KBTBD4: variants seen among roughly 807,000 people sequenced by gnomAD.
KBTBD4 encodes kelch repeat and BTB domain containing 4.
KBTBD4 carries 30 observed loss-of-function variants against 43.9 expected under a neutral mutation model. That is an observed-to-expected ratio of 0.68 (90% CI 0.51 to 0.93). The LOEUF (loss-of-function observed/expected upper bound fraction) is 0.93. KBTBD4 is among the 40% of genes least tolerant of loss of function. The pLI is 0.00. For synonymous variants in KBTBD4, 258 were observed against 256.9 expected (o/e 1.00, Z -0.04); for missense variants, 575 against 668.8 (o/e 0.86, Z 1.55).
intron 3 of KBTBD4, 71 bp downstream of exon 3, chr11:47,575,519 AAAG>A: frequency 9.8e-7 from 1 of 1,018,152 alleles, no homozygotes; most frequent in Non-Finnish European, 1.5e-6. Flanking sequence ...AAAAAAAAAA[AAAG>A]AGGCCAAATT....
intron 3 of KBTBD4, among the ~76,000 whole-genome samples, chr11:47,574,810 C>T (rs901417435): frequency 2.6e-5 from 4 of 152,068 alleles, no homozygotes; most frequent in Non-Finnish European, 4.4e-5. Flanking sequence ...GCCGAGATCG[C>T]ACCATCGCAC....
At chr11:47,574,841 C>A (rs1387707009) in intron 3 of KBTBD4, among the ~76,000 whole-genome samples, 1 of 149,876 alleles carries the variant, frequency 6.7e-6, no homozygotes, top group Middle Eastern at 3.5e-3. Flanking sequence ...GCAACAAGAG[C>A]GAAACTCCAT....
In KBTBD4 at chr11:47,573,317, C is replaced by T. The variant is rs1395843913; in HGVS notation, c.1218G>A (p.Leu406=). 1.9e-6 allele frequency: 3 copies of T among 1,614,166 alleles called. No homozygotes were observed. Among genetic ancestry groups the T allele is most frequent in the South Asian group, 1.1e-5 (1 of 91,082 alleles). The change falls in exon 4 of 4, where the codon CTG becomes CTA. Residue 406 remains leucine (L), a synonymous_variant. Transcript: ENST00000430070. This position sits in a 1 kb window ranked among gnomAD's most constrained non-coding sequence, Gnocchi z 4.1. The part of the protein sequence containing the change: ...IYLLGGEEND[L]DFFTKPSRLI... The stretch of plus-strand genomic sequence containing the variant: ...GTCGGGAAGGTTTGGTAAAGAAGTC[C>T]AGATCATTCTCCTCCCCCCCTAGTA...
chr11:47,578,137 C>G, intron 1 of KBTBD4, 109 bp from the exon 2 acceptor site: 2 of 1,270,682 alleles, frequency 1.6e-6, no homozygotes, highest in Non-Finnish European at 1.1e-6. Flanking sequence ...CAAAGTGGGT[C>G]CAGATTGGCC....
chr11:47,573,426 C>A lies in KBTBD4; in HGVS notation c.1109G>T (p.Gly370Val). Residue 370 changes from glycine (G) to valine (V), a missense_variant, in exon 4 of 4, where the codon GGT (glycine) becomes GTT (valine). Transcript: ENST00000430070. This position sits in a 1 kb window ranked among gnomAD's most constrained non-coding sequence, Gnocchi z 4.1. Reference protein sequence around the residue: ...LSNAVIYYRVGDNVWTETTQL... With the variant: ...LSNAVIYYRVVDNVWTETTQL... ...AGTTGTCTCTGTCCACACATTATCA[C>A]CTACGCGATAATAAATGACTGCGTT... 6.2e-7 allele frequency: 1 copy of A among 1,614,212 alleles called. No individual in the cohort carries two copies. The highest frequency in any genetic ancestry group is 8.5e-7 in the Non-Finnish European group (1 of 1,180,040).
intron 1 of KBTBD4, chr11:47,578,444 C>T (rs1037129676): frequency 3.3e-5 from 19 of 568,208 alleles, no homozygotes; most frequent in Middle Eastern, 2.6e-4. Context: ...CAAAAAGGAC[C>T]CCTGGCCCCG....
rs779554052 is a variant in KBTBD4 at position 47,573,725 on chromosome 11, A to G, written c.810T>C (p.Ala270=). The stretch of plus-strand genomic sequence containing the variant: ...CATCTTCTGCACAGTGCAAGGACAC[A>G]GCCAACGAGTGGGTACGAGATGACT... ...GKESSRTHSL[A]VSLHCAEDDS... is the part of the protein sequence containing the mutation. The change falls in exon 4 of 4, where the codon GCT becomes GCC. Residue 270 remains alanine, a synonymous_variant. Coordinates refer to ENST00000430070, the MANE Select transcript of KBTBD4 (RefSeq NM_018095.6). The surrounding 1 kb of genome is among the most constrained non-coding windows in gnomAD (Gnocchi z 4.1). 1.3e-6 allele frequency: 2 copies of G among 1,598,614 alleles called. No individual in the cohort carries two copies. The highest frequency in any genetic ancestry group is 1.1e-5 in the South Asian group (1 of 91,004).
chr11:47,575,526 C>T, intron 3 of KBTBD4, 67 bp downstream of exon 3: 1 of 1,044,324 alleles, frequency 9.6e-7, no homozygotes. Context: ...AAAAAAGAGG[C>T]CAAATTAACT....
At chr11:47,578,813 C>T (rs1424798189) in intron 1 of KBTBD4, 120 bp downstream of exon 1, 11 of 1,536,880 alleles carry the variant, frequency 7.2e-6, no homozygotes, top group South Asian at 2.4e-5. Flanking sequence ...CGCCCGCCCC[C>T]TCCCCTCCTC....
rs779643420 is a variant in KBTBD4, at chr11:47,573,815, G to A, written c.745-25C>T. ...CCTATTGGCAAAATTAAAATTATAT[G>A]ACAGCTGTTAAATTCTAGGCTAAGG... On this transcript the variant is annotated intron_variant, in intron 3 of 3. Transcript: ENST00000430070. The surrounding 1 kb of genome is among the most constrained non-coding windows in gnomAD (Gnocchi z 4.1). 1.9e-6 allele frequency: 3 copies of A among 1,551,114 alleles called. No homozygotes were observed. The highest frequency in any genetic ancestry group is 3.5e-5 in the Admixed American group (2 of 56,904).
chr11:47,578,926 T>G lies in KBTBD4; in HGVS notation c.19+7A>C. The stretch of plus-strand genomic sequence containing the variant: ...GATTTCCCTACCTGCCTGTCTCGCT[T>G]TCTCACCTGCGTTCCCTCCTTTCAT... On this transcript the variant is annotated splice_region_variant and intron_variant, in intron 1 of 3. Coordinates refer to ENST00000430070, the MANE Select transcript of KBTBD4 (RefSeq NM_018095.6). 6.4e-7 allele frequency: 1 copy of G among 1,551,842 alleles called. No homozygotes were observed. The highest frequency in any genetic ancestry group is 8.7e-7 in the Non-Finnish European group (1 of 1,147,032).
intron 2 of KBTBD4, among the ~76,000 whole-genome samples, chr11:47,577,011 G>T (rs1330137429): frequency 6.6e-6 from 1 of 152,114 alleles, no homozygotes; most frequent in Non-Finnish European, 1.5e-5. Flanking sequence ...TATCTCACTT[G>T]CAAGGTTAGG....
chr11:47,577,258 A>C lies in KBTBD4; in HGVS notation c.637+153T>G, dbSNP rs771499495. On this transcript the variant is annotated intron_variant, in intron 2 of 3. Coordinates refer to ENST00000430070, the MANE Select transcript of KBTBD4 (RefSeq NM_018095.6). ...CAGCAATTACACTGAATCTCACCTC[A>C]ATCTTTCTCAGCAGGTTATCTCAGT... The C allele has an allele frequency of 7.7e-6, 6 of 780,198 alleles. No homozygotes were observed. The East Asian group carries it at 1.4e-4, about 18-fold the overall frequency. 48.3% of individuals were successfully genotyped at this position (780,198 alleles called of 1,614,324 possible). A position where few individuals can be genotyped will look rare whatever the true frequency, so the allele number is the denominator to read the frequency against.
At position 47,573,741 on chromosome 11, in the gene KBTBD4, C is replaced by A. The variant is rs780457703; in HGVS notation, c.794G>T (p.Arg265Leu). Residue 265 changes from arginine (R) to leucine (L), a missense_variant, in exon 4 of 4, where the codon CGT (arginine) becomes CTT (leucine). Physicochemically the swap from Arg to Leu is moderately radical, Grantham distance 102. Coordinates refer to ENST00000430070, the MANE Select transcript of KBTBD4 (RefSeq NM_018095.6). This position sits in a 1 kb window ranked among gnomAD's most constrained non-coding sequence, Gnocchi z 4.1. Reference protein sequence around the residue: ...HIYLIGKESSRTHSLAVSLHC... With the variant: ...HIYLIGKESSLTHSLAVSLHC... ...CAAGGACACAGCCAACGAGTGGGTA[C>A]GAGATGACTCTTTCCCAATCAGGTA... 1 of 1,588,468 alleles carries A rather than the reference C, an allele frequency of 6.3e-7. No individual in the cohort carries two copies. Among genetic ancestry groups the A allele is most frequent in the Non-Finnish European group, 8.6e-7 (1 of 1,168,328 alleles).
Position 47,577,435 on chromosome 11 carries a change from GGTGGGGCAA to G in KBTBD4, c.604_612del (p.Leu202_His204del), listed in dbSNP as rs759201428. On this transcript the variant is annotated inframe_deletion, in exon 2 of 4. Transcript: ENST00000430070. Reference sequence around the variant, plus strand: ...CCCGAGATGATATCTGTGAGTAAGCGGTGGGGCAAGTGGAGAAATTCCTCTGTATTCTGC... The same window carrying G: ...CCCGAGATGATATCTGTGAGTAAGCGGTGGAGAAATTCCTCTGTATTCTGC... 4.4e-6 allele frequency: 7 copies of G among 1,608,090 alleles called. No homozygotes were observed. Among genetic ancestry groups the G allele is most frequent in the Non-Finnish European group, 5.1e-6 (6 of 1,175,122 alleles).
Position 47,572,828 on chromosome 11 carries a change from T to C in KBTBD4, c.*102A>G, listed in dbSNP as rs2097251617. 8 of 1,280,018 alleles carry C rather than the reference T, an allele frequency of 6.2e-6. No homozygotes were observed. In the Admixed American group the frequency reaches 1.9e-4, roughly 31 times the overall value. The allele number at this position is 1,280,018 out of a possible 1,614,324, so 79.3% of individuals were successfully genotyped here. Reference sequence around the variant, plus strand: ...AAGGGCTGAGGCACTGCCTTTCTAGTATGTGCCAAAAAAAACATAACTCTG... The same window carrying C: ...AAGGGCTGAGGCACTGCCTTTCTAGCATGTGCCAAAAAAAACATAACTCTG... On this transcript the variant is annotated 3_prime_UTR_variant, in exon 4 of 4. Coordinates refer to ENST00000430070, the MANE Select transcript of KBTBD4 (RefSeq NM_018095.6).
intron 2 of KBTBD4, 110 bp from the exon 3 acceptor site, chr11:47,575,809 A>T (rs544041322): frequency 3.0e-6 from 2 of 658,104 alleles, no homozygotes; most frequent in Non-Finnish European, 5.4e-6. Flanking sequence ...GGGCATGTGT[A>T]TATGTGTACA....
intron 1 of KBTBD4, chr11:47,578,522 G>A (rs2097264665): frequency 1.5e-6 from 1 of 656,376 alleles, no homozygotes; most frequent in South Asian, 1.7e-5. Context: ...GCCTAGCCTG[G>A]GATATCCGTG....
Position 47,577,715 on chromosome 11 carries a change from AAC to A in KBTBD4, c.331_332del (p.Val111PhefsTer6). The A allele has an allele frequency of 6.2e-7, 1 of 1,614,190 alleles. No homozygotes were observed. Among genetic ancestry groups the A allele is most frequent in the East Asian group, 2.2e-5 (1 of 44,880 alleles). The part of the protein sequence containing the change: ...VIVLQDVSES[V>X]FQLLVDYIYH... ...AGATATAATCAACCAGGAGCTGGAA[AAC>A]AGACTCGCTGACATCCTGCAGCACA... On this transcript the variant is annotated frameshift_variant, in exon 2 of 4. Transcript: ENST00000430070. LOFTEE classifies it high-confidence loss of function.
Sources: gnomAD v4.1 joint callset for allele counts (sites outside exome capture counted in the v4.1 genomes callset) on GRCh38, gnomAD v4.1.1 for gene constraint, Gnocchi (gnomAD v3.1) non-coding constraint, MANE v1.5 for transcripts, NCBI Gene and HGNC (gene_info 2026-07-23, HGNC 2026-07-21) for gene names.